The following PLXNC1 variants were observed in gnomAD, a reference collection of about 807,000 sequenced individuals.
PLXNC1 encodes the protein plexin C1.
A neutral mutation model predicts 178.2 loss-of-function variants in PLXNC1; 75 were observed. That is an observed-to-expected ratio of 0.42 (90% confidence interval 0.35 to 0.51). The LOEUF (loss-of-function observed/expected upper bound fraction) is 0.51, where lower values mean the gene tolerates loss of function less well. Ranked by LOEUF, PLXNC1 falls within the 20% of genes least tolerant of loss-of-function variation. The pLI is 0.02. For synonymous variants in PLXNC1, 790 were observed against 779.9 expected (o/e 1.01, Z -0.22); for missense variants, 1,503 against 1,984.4 (o/e 0.76, Z 4.61).
intron 2 of PLXNC1, among the ~76,000 whole-genome samples, chr12:94,178,647 G>A (rs1962190833): frequency 6.6e-6 from 1 of 152,212 alleles, no homozygotes; most frequent in Admixed American, 6.5e-5. Flanking sequence ...TGTTGGCCAA[G>A]AGAACTTTCT....
intron 3 of PLXNC1, among the ~76,000 whole-genome samples, chr12:94,182,857 C>CTATATCTATCTATCTA (rs570479179): frequency 7.1e-5 from 10 of 141,746 alleles, no homozygotes; most frequent in South Asian, 2.3e-4. Context: ...TCAAGAATAT[C>CTATATCTATCTATCTA]TGTATCTATC....
At chr12:94,171,099 G>A (rs942243076) in intron 2 of PLXNC1, among the ~76,000 whole-genome samples, 3 of 152,212 alleles carry the variant, frequency 2.0e-5, no homozygotes, top group Non-Finnish European at 2.9e-5. Flanking sequence ...AGGAACACTC[G>A]TCTATAAATA....
chr12:94,202,218 G>A (rs1963153340), intron 4 of PLXNC1, among the ~76,000 whole-genome samples: 1 of 152,136 alleles, frequency 6.6e-6, no homozygotes, highest in African/African-American at 2.4e-5. Context: ...TTAAATGATT[G>A]TCTGTTTATT....
intron 15 of PLXNC1, 32 bp from the exon 16 acceptor site, chr12:94,254,755 T>C (rs1402028941): frequency 4.0e-6 from 6 of 1,501,234 alleles, no homozygotes; most frequent in Non-Finnish European, 5.4e-6. Flanking sequence ...TGAGTTACCA[T>C]GTCCCTCTGA....
intron 21 of PLXNC1, among the ~76,000 whole-genome samples, chr12:94,274,673 A>T (rs750139230): frequency 1.3e-5 from 2 of 152,214 alleles, no homozygotes; most frequent in Non-Finnish European, 2.9e-5. Flanking sequence ...GTATTATGCC[A>T]TCCCATCGAT....
At position 94,303,649 on chromosome 12, in the gene PLXNC1, G is replaced by A. The variant is rs1016709152; in HGVS notation, c.4387-107G>A. On this transcript the variant is annotated intron_variant, in intron 28 of 30. Coordinates refer to ENST00000258526, the MANE Select transcript of PLXNC1 (RefSeq NM_005761.3). ...TGTTAGCAAGAGGTAAAACTGGTTG[G>A]TGGTGGGGGTTCAGCTACATTGGAA... The A allele has an allele frequency of 3.2e-5, 31 of 958,686 alleles. No individual in the cohort carries two copies. In the African/African-American group the frequency reaches 3.3e-4, roughly 10 times the overall value. 59.4% of individuals were successfully genotyped at this position (958,686 alleles called of 1,614,324 possible).
intron 7 of PLXNC1, among the ~76,000 whole-genome samples, chr12:94,224,778 G>A (rs893003623): frequency 6.6e-6 from 1 of 152,152 alleles, no homozygotes; most frequent in Non-Finnish European, 1.5e-5. Flanking sequence ...ATGGTGGTAT[G>A]TGCCTGTAGT....
chr12:94,276,708 T>C (rs942396614), intron 21 of PLXNC1, among the ~76,000 whole-genome samples: 3 of 152,200 alleles, frequency 2.0e-5, no homozygotes, highest in Admixed American at 2.0e-4. Flanking sequence ...AGGGCTCGGG[T>C]GTGAGGCTTC....
Position 94,247,077 on chromosome 12 carries a change from T to A in PLXNC1, c.2389-826T>A, listed in dbSNP as rs1483691544. Among the ~76,000 whole-genome samples, 3 of 152,254 alleles carry A rather than the reference T, an allele frequency of 2.0e-5. No individual in the cohort carries two copies. In the East Asian group the frequency reaches 5.8e-4, roughly 29 times the overall value. On this transcript the variant is annotated intron_variant, in intron 12 of 30. Coordinates refer to ENST00000258526, the MANE Select transcript of PLXNC1 (RefSeq NM_005761.3). ...GTATTTACTAACTTTTTAAATTTTA[T>A]TTTTTATATATATAGAGAGAGACAG...
At chr12:94,238,601 C>T (rs1269943309) in intron 10 of PLXNC1, among the ~76,000 whole-genome samples, 5 of 152,164 alleles carry the variant, frequency 3.3e-5, no homozygotes, top group Admixed American at 1.3e-4. Flanking sequence ...AAAGATGTTA[C>T]AGTCTACATA....
In PLXNC1 at chr12:94,186,194, T is replaced by G. The variant is rs578205628; in HGVS notation, c.1339-179T>G. 108 of 564,664 alleles carry G rather than the reference T, an allele frequency of 1.9e-4. 6 individuals are homozygous for G. The South Asian group carries it at 2.1e-3, about 11-fold the overall frequency. 35.0% of individuals were successfully genotyped at this position (564,664 alleles called of 1,614,324 possible). On this transcript the variant is annotated intron_variant, in intron 3 of 30. Coordinates refer to ENST00000258526, the MANE Select transcript of PLXNC1 (RefSeq NM_005761.3). The stretch of plus-strand genomic sequence containing the variant: ...TACGCACTGTCAAAAGCTCCCCAGG[T>G]GATTGTGATACAATGACTTCATGTC...
intron 2 of PLXNC1, among the ~76,000 whole-genome samples, chr12:94,170,533 G>A (rs1961805114): frequency 6.6e-6 from 1 of 152,094 alleles, no homozygotes; most frequent in Non-Finnish European, 1.5e-5. Context: ...TCTAGGCCTG[G>A]AGTGACCTTG....
At chr12:94,196,417 A>C (rs574408482) in intron 4 of PLXNC1, among the ~76,000 whole-genome samples, 27 of 152,192 alleles carry the variant, frequency 1.8e-4, no homozygotes, top group Middle Eastern at 3.4e-3. Flanking sequence ...CTCCCACCCT[A>C]GCCGTGTGAC....
rs1192231774 is a variant in PLXNC1 at position 94,303,998 on chromosome 12, G to A, written c.4549G>A (p.Glu1517Lys). The change falls in exon 30 of 31, where the codon GAA (glutamate) becomes AAA (lysine). Residue 1517 changes from glutamate to lysine, a missense_variant. By Grantham distance (56) the Glu-to-Lys change is moderately conservative (BLOSUM62 1). Around this residue, in one of 4 missense-constraint regions of PLXNC1, gnomAD observed 639 missense variants for 979.7 expected, o/e 0.65. Coordinates refer to ENST00000258526, the MANE Select transcript of PLXNC1 (RefSeq NM_005761.3). Reference protein sequence around the residue: ...ESKKHENEFNEEVALTEIYKY... With the variant: ...ESKKHENEFNKEVALTEIYKY... ...TTAGAAACATGAAAATGAATTTAATGAAGAAGTGGCCTTGACAGAAATTTA... is the reference window on the plus strand; with the variant it reads ...TTAGAAACATGAAAATGAATTTAATAAAGAAGTGGCCTTGACAGAAATTTA... 6.2e-7 allele frequency: 1 copy of A among 1,600,284 alleles called. No individual in the cohort carries two copies. The highest frequency in any genetic ancestry group is 2.2e-5 in the East Asian group (1 of 44,738).
At chr12:94,262,146 G>A (rs922889506) in intron 20 of PLXNC1, among the ~76,000 whole-genome samples, 1 of 152,146 alleles carries the variant, frequency 6.6e-6, no homozygotes, top group Non-Finnish European at 1.5e-5. Context: ...CAGTCTCACT[G>A]GATCAGAAGC....
At chr12:94,161,013 T>C (rs920270774) in intron 1 of PLXNC1, among the ~76,000 whole-genome samples, 1 of 152,184 alleles carries the variant, frequency 6.6e-6, no homozygotes, top group Non-Finnish European at 1.5e-5. Flanking sequence ...ACAGGTTCAG[T>C]AAATACTGCT....
In PLXNC1 at chr12:94,177,219, GTATATATATACATATATA is replaced by G. The variant is rs1565794559; in HGVS notation, c.1204-4216_1204-4199del. ...TATATACGTATATATATATGTGTGT[GTATATATATACATATATA>G]TATATATATATATATGTATATATAT... On this transcript the variant is annotated intron_variant, in intron 2 of 30. Coordinates refer to ENST00000258526, the MANE Select transcript of PLXNC1 (RefSeq NM_005761.3). Among the ~76,000 whole-genome samples the G allele has an allele frequency of 1.4e-3, 128 of 88,452 alleles. 4 individuals carry two copies. The highest frequency in any genetic ancestry group is 4.3e-3 in the African/African-American group (99 of 23,186). The allele number at this position is 88,452 out of a possible 152,430, so 58.0% of individuals were successfully genotyped here.
At position 94,265,087 on chromosome 12, in the gene PLXNC1, C is replaced by T. The variant is rs368715372; in HGVS notation, c.3459C>T (p.Val1153=). The T allele has an allele frequency of 3.8e-5, 61 of 1,613,928 alleles. No individual in the cohort carries two copies. Among genetic ancestry groups the T allele is most frequent in the South Asian group, 9.9e-5 (9 of 91,074 alleles). ...VCLSGFLRET[V]GEPFYLLVTT... ...TTTGTGTCTTTTCCAAGGAGACTGT[C>T]GGAGAGCCCTTCTATTTGCTGGTGA... The change falls in exon 21 of 31, where the codon GTC becomes GTT. Residue 1153 remains valine (V), a synonymous_variant. Coordinates refer to ENST00000258526, the MANE Select transcript of PLXNC1 (RefSeq NM_005761.3).
At chr12:94,250,449 G>A (rs1233315819) in intron 14 of PLXNC1, among the ~76,000 whole-genome samples, 1 of 152,176 alleles carries the variant, frequency 6.6e-6, no homozygotes, top group Non-Finnish European at 1.5e-5. Flanking sequence ...AAACAGAGCA[G>A]GTGGCAGAGC....
Sources: gnomAD v4.1 joint callset for allele counts (sites outside exome capture counted in the v4.1 genomes callset) on GRCh38, gnomAD v4.1.1 for gene constraint, gnomAD v4.1.1 regional missense constraint, MANE v1.5 for transcripts, NCBI Gene and HGNC (gene_info 2026-07-23, HGNC 2026-07-21) for gene names.